The following CPD variants were observed in gnomAD, a reference collection of about 807,000 sequenced individuals.
CPD encodes the protein metallocarboxypeptidase D.
CPD carries 69 observed loss-of-function variants against 138.3 expected under a neutral mutation model. The ratio of observed to expected loss-of-function variants is 0.50; its 90% CI spans 0.41 to 0.61. CPD has a LOEUF of 0.61. CPD is among the 20% of genes least tolerant of loss of function. The pLI, the probability that CPD is intolerant of heterozygous loss-of-function variation, is 0.00. For synonymous variants in CPD, 651 were observed against 642.1 expected (o/e 1.01, Z -0.21); for missense variants, 1,432 against 1,733.3 (o/e 0.83, Z 3.09).
chr17:30,421,818 C>T lies in CPD; in HGVS notation c.1292C>T (p.Thr431Ile), dbSNP rs915807738. ...CTTGTTCCTGGAACTTACAACCTTA[C>T]AGTAGTTTTAACTGGGTAAGAATTT... ...RLLVPGTYNL[T>I]VVLTGYMPLT... The change falls in exon 4 of 21, where the codon ACA (threonine) becomes ATA (isoleucine). Residue 431 changes from threonine (T) to isoleucine (I), a missense_variant. Transcript: ENST00000225719. 1 of 1,612,562 alleles carries T rather than the reference C, an allele frequency of 6.2e-7. No homozygotes were observed. Among genetic ancestry groups the T allele is most frequent in the Non-Finnish European group, 8.5e-7 (1 of 1,178,706 alleles).
chr17:30,385,741 G>A (rs773071392), intron 2 of CPD, among the ~76,000 whole-genome samples: 1 of 150,820 alleles, frequency 6.6e-6, no homozygotes, highest in African/African-American at 2.4e-5. Flanking sequence ...TATGTCCAAA[G>A]TAGCCTTGGT....
intron 18 of CPD, 72 bp downstream of exon 18, chr17:30,461,383 G>T: frequency 8.4e-7 from 1 of 1,193,078 alleles, no homozygotes; most frequent in Non-Finnish European, 1.1e-6. Context: ...TCAAAACATT[G>T]TCTTTTACCA....
intron 1 of CPD, among the ~76,000 whole-genome samples, chr17:30,382,352 T>C (rs1212023272): frequency 6.6e-6 from 1 of 152,192 alleles, no homozygotes; most frequent in African/African-American, 2.4e-5. Context: ...ACCAGCTACT[T>C]TAAATCTTAT....
At chr17:30,382,858 G>A (rs965588884) in intron 1 of CPD, among the ~76,000 whole-genome samples, 4 of 151,852 alleles carry the variant, frequency 2.6e-5, no homozygotes, top group Non-Finnish European at 5.9e-5. Flanking sequence ...TGTTTGTTTC[G>A]CTCACAGATG....
chr17:30,416,393 T>C (rs930889942), intron 2 of CPD, among the ~76,000 whole-genome samples: 6 of 152,252 alleles, frequency 3.9e-5, no homozygotes, highest in African/African-American at 1.4e-4. Context: ...TTAACACTAT[T>C]GTACTGTACA....
chr17:30,412,672 G>C (rs1159805004), intron 2 of CPD, among the ~76,000 whole-genome samples: 1 of 152,174 alleles, frequency 6.6e-6, no homozygotes, highest in Admixed American at 6.6e-5. Flanking sequence ...CGTGGGTGTG[G>C]GACCCACCGA....
At position 30,455,460 on chromosome 17, in the gene CPD, A is replaced by G. The variant is rs1161341873; in HGVS notation, c.3327A>G (p.Pro1109=). ...SMLVTYPYDK[P]VQTVENKETL... is the part of the protein sequence containing the mutation. ...TGGTCACATATCCTTATGACAAGCC[A>G]GTACAGACAGGTATGTAGAATGTCA... The change falls in exon 15 of 21, where the codon CCA becomes CCG. Residue 1109 remains proline, a synonymous_variant. Transcript: ENST00000225719. 6.2e-7 allele frequency: 1 copy of G among 1,612,002 alleles called. No homozygotes were observed. Among genetic ancestry groups the G allele is most frequent in the Admixed American group, 1.7e-5 (1 of 59,242 alleles).
chr17:30,388,291 G>A (rs995392896), intron 2 of CPD, among the ~76,000 whole-genome samples: 1 of 152,152 alleles, frequency 6.6e-6, no homozygotes. Context: ...GACCTCCCTG[G>A]CCTGAAGGTG....
At chr17:30,405,279 C>G (rs1911776108) in intron 2 of CPD, among the ~76,000 whole-genome samples, 1 of 152,116 alleles carries the variant, frequency 6.6e-6, no homozygotes, top group African/African-American at 2.4e-5. Context: ...ATGTATTCAT[C>G]TCATGCTCAG....
rs1392687353 is a variant in CPD at position 30,388,752 on chromosome 17, CCTGGGCCAGTGT to C, written c.994+3526_994+3537del. Among the ~76,000 whole-genome samples the C allele has an allele frequency of 9.2e-5, 14 of 152,276 alleles. No individual in the cohort carries two copies. In the East Asian group the frequency reaches 2.3e-3, roughly 25 times the overall value. ...CGGGTGGCTCCTAATCCTCGCTGGG[CCTGGGCCAGTGT>C]CTGGGCCAGGGGCGACATTGCCACA... is the stretch of plus-strand genomic sequence containing the variant. On this transcript the variant is annotated intron_variant, in intron 2 of 20. Transcript: ENST00000225719.
rs779028170 is a variant in CPD at position 30,422,802 on chromosome 17, C to T, written c.1436C>T (p.Thr479Ile). ...ACAGAGGCTGTATCAACTGCTAGCA[C>T]AGTTGCTATACCTAATATTCTTTCT... ...DTTEAVSTAS[T>I]VAIPNILSGT... Residue 479 changes from threonine to isoleucine, a missense_variant, in exon 5 of 21, where the codon ACA becomes ATA. Transcript: ENST00000225719. The T allele has an allele frequency of 1.9e-6, 3 of 1,614,112 alleles. No homozygotes were observed. In the Admixed American group the frequency reaches 5.0e-5, roughly 27 times the overall value.
intron 1 of CPD, among the ~76,000 whole-genome samples, chr17:30,380,877 C>T (rs565787812): frequency 6.6e-6 from 1 of 152,322 alleles, no homozygotes; most frequent in African/African-American, 2.4e-5. Context: ...CAGCTTTTCC[C>T]CATTTTTGTA....
chr17:30,391,385 A>G (rs1342724783), intron 2 of CPD, among the ~76,000 whole-genome samples: 1 of 152,196 alleles, frequency 6.6e-6, no homozygotes, highest in African/African-American at 2.4e-5. Flanking sequence ...GGGCAAAATA[A>G]TGAGACCCTG....
intron 9 of CPD, among the ~76,000 whole-genome samples, chr17:30,439,368 C>CTTTTTT (rs71138888): frequency 1.3e-3 from 181 of 140,810 alleles, no homozygotes; most frequent in African/African-American, 2.6e-3. Flanking sequence ...TATTTGAATT[C>CTTTTTT]TTTTTTTTCT....
intron 7 of CPD, among the ~76,000 whole-genome samples, chr17:30,430,279 A>G (rs879462890): frequency 4.6e-5 from 7 of 152,096 alleles, no homozygotes; most frequent in Admixed American, 3.3e-4. Context: ...CCCATTTAAC[A>G]GTGACTCCCC....
chr17:30,451,833 T>C lies in CPD; in HGVS notation c.3192T>C (p.Asp1064=). Residue 1064 remains aspartate, a synonymous_variant, in exon 14 of 21, where the codon GAT becomes GAC. Transcript: ENST00000225719. ...GQTNARGKDL[D]TDFTNNASQP... is the part of the protein sequence containing the mutation. ...CAAATGCTCGTGGCAAAGATTTGGATACAGACTTCACAAGTAAGACTAATT... is the reference window on the plus strand; with the variant it reads ...CAAATGCTCGTGGCAAAGATTTGGACACAGACTTCACAAGTAAGACTAATT... 6.2e-7 allele frequency: 1 copy of C among 1,614,058 alleles called. No homozygotes were observed.
chr17:30,393,344 A>G (rs1911408306), intron 2 of CPD, among the ~76,000 whole-genome samples: 2 of 152,250 alleles, frequency 1.3e-5, no homozygotes, highest in South Asian at 4.1e-4. Context: ...AATGCTGTTG[A>G]AAGTTTAGAT....
intron 20 of CPD, 74 bp downstream of exon 20, chr17:30,462,543 C>T: frequency 1.0e-6 from 1 of 966,228 alleles, no homozygotes; most frequent in East Asian, 2.4e-5. Flanking sequence ...TGGGTCACCT[C>T]TCTCATATTG....
rs747700221 is a variant in CPD at position 30,420,821 on chromosome 17, T to C, written c.995-20T>C. 2 of 1,598,674 alleles carry C rather than the reference T, an allele frequency of 1.3e-6. No homozygotes were observed. Reference sequence around the variant, plus strand: ...AATTATTTTCCTTCTGAGAGTAAACTTATTTTTTCTATGTTACAGGTGGTA... The same window carrying C: ...AATTATTTTCCTTCTGAGAGTAAACCTATTTTTTCTATGTTACAGGTGGTA... On this transcript the variant is annotated intron_variant, in intron 2 of 20. Transcript: ENST00000225719.
Sources: allele counts gnomAD v4.1 joint callset (sites outside exome capture counted in the v4.1 genomes callset), GRCh38; gene constraint gnomAD v4.1.1; transcripts MANE v1.5; gene names NCBI Gene and HGNC (gene_info 2026-07-23, HGNC 2026-07-21).